The following FOXP1 variants were observed in gnomAD, a reference collection of about 807,000 sequenced individuals.
FOXP1 encodes forkhead box protein P1.
Under a neutral mutation model 98.2 loss-of-function variants are expected in FOXP1, and 15 were observed. That is an observed-to-expected ratio of 0.15 (90% confidence interval 0.10 to 0.24). The LOEUF is 0.24. Among genes scored for constraint, FOXP1 ranks in the 10% least tolerant of loss-of-function variants. The pLI is 1.00. For missense variants in FOXP1, 633 were observed against 848.5 expected, an observed-to-expected ratio of 0.75 and a Z score of 3.15; for synonymous variants, 371 against 314.5, an observed-to-expected ratio of 1.18 and a Z score of -1.90.
At chr3:71,381,436 C>CG (rs2080167184) in intron 3 of FOXP1, among the ~76,000 whole-genome samples, 7 of 124,162 alleles carry the variant, frequency 5.6e-5, no homozygotes, top group African/African-American at 1.9e-4. Flanking sequence ...CTGCGCCTGG[C>CG]CTTTTTTTTT....
At chr3:71,187,505 C>T (rs1026779808) in intron 6 of FOXP1, among the ~76,000 whole-genome samples, 2 of 152,130 alleles carry the variant, frequency 1.3e-5, no homozygotes, top group Non-Finnish European at 2.9e-5. Flanking sequence ...ATCACTTGAA[C>T]CTGGGAGGCA....
chr3:71,372,148 G>T (rs2079375298), intron 3 of FOXP1, among the ~76,000 whole-genome samples: 1 of 151,026 alleles, frequency 6.6e-6, no homozygotes, highest in African/African-American at 2.4e-5. Context: ...AATTAGCTGG[G>T]ATTACAAGCA....
At chr3:71,575,550 A>G (rs2047662615) in intron 2 of FOXP1, among the ~76,000 whole-genome samples, 2 of 152,216 alleles carry the variant, frequency 1.3e-5, no homozygotes, top group South Asian at 4.1e-4. Context: ...CCTTCACTTC[A>G]GACATGAGCA....
At chr3:71,400,362 GAT>G (rs2081869162) in intron 3 of FOXP1, among the ~76,000 whole-genome samples, 1 of 92,668 alleles carries the variant, frequency 1.1e-5, no homozygotes, top group African/African-American at 3.0e-5. Context: ...ATTTATGTAT[GAT>G]TTTTTTTTTT....
chr3:71,257,184 T>C (rs929526483), intron 5 of FOXP1, among the ~76,000 whole-genome samples: 3 of 152,126 alleles, frequency 2.0e-5, no homozygotes, highest in Non-Finnish European at 2.9e-5. Context: ...ATTATAAAAA[T>C]TTGGCTAACA....
At chr3:71,088,389 T>C (rs2055378170) in intron 7 of FOXP1, among the ~76,000 whole-genome samples, 1 of 140,176 alleles carries the variant, frequency 7.1e-6, no homozygotes, top group African/African-American at 2.6e-5. Flanking sequence ...TGATACATTG[T>C]TTTGTTTTTT....
At chr3:70,981,989 G>A (rs1257127280) in intron 14 of FOXP1, among the ~76,000 whole-genome samples, 1 of 152,136 alleles carries the variant, frequency 6.6e-6, no homozygotes, top group Non-Finnish European at 1.5e-5. Context: ...TTGTCAACTG[G>A]TACAGAAGTT....
intron 4 of FOXP1, among the ~76,000 whole-genome samples, chr3:71,351,497 A>G (rs931758423): frequency 2.0e-5 from 3 of 152,204 alleles, no homozygotes; most frequent in Admixed American, 1.3e-4. Context: ...CAAGCCTAAT[A>G]TTTTACTAAT....
At chr3:71,112,687 G>T (rs17008224) in intron 6 of FOXP1, 50 bp from the exon 7 acceptor site, 34 of 1,373,616 alleles carry the variant, frequency 2.5e-5, no homozygotes, top group Non-Finnish European at 3.3e-5. Context: ...AGGTTCAGGG[G>T]ACTCTTCATA....
chr3:71,581,916 T>G, intron 1 of FOXP1: 2 of 975,808 alleles, frequency 2.0e-6, no homozygotes, highest in Non-Finnish European at 2.4e-6. Flanking sequence ...AGCCAAAGTC[T>G]CAGCACCTTC....
chr3:71,520,767 T>G (rs1221170669), intron 2 of FOXP1, among the ~76,000 whole-genome samples: 1 of 152,222 alleles, frequency 6.6e-6, no homozygotes, highest in Non-Finnish European at 1.5e-5. Flanking sequence ...CATTGACAAG[T>G]CAATTGAAAT....
chr3:71,404,946 G>C (rs980259120), intron 3 of FOXP1, among the ~76,000 whole-genome samples: 2 of 152,144 alleles, frequency 1.3e-5, no homozygotes, highest in African/African-American at 2.4e-5. Flanking sequence ...AGGCAACAGG[G>C]CAATATGGTT....
intron 5 of FOXP1, chr3:71,296,639 C>A (rs1457995213): frequency 6.6e-6 from 1 of 151,986 alleles, no homozygotes; most frequent in East Asian, 1.9e-4. Context: ...ATGAAATGTT[C>A]ACTTGGAATA....
chr3:71,171,784 G>T (rs80075999), intron 6 of FOXP1, among the ~76,000 whole-genome samples: 1 of 152,176 alleles, frequency 6.6e-6, no homozygotes, highest in Non-Finnish European at 1.5e-5. Context: ...ACAGGGCTGG[G>T]GTCTGGGCCA....
intron 4 of FOXP1, among the ~76,000 whole-genome samples, chr3:71,303,060 T>C (rs1395803802): frequency 6.6e-6 from 1 of 152,118 alleles, no homozygotes; most frequent in East Asian, 1.9e-4. Flanking sequence ...TGGAACTGAG[T>C]TGCAGGTAAA....
chr3:71,046,859 C>T, intron 10 of FOXP1, 83 bp downstream of exon 10: 2 of 1,472,396 alleles, frequency 1.4e-6, no homozygotes, highest in Non-Finnish European at 1.9e-6. Context: ...GGACAATGTC[C>T]TTAACAAATA....
At chr3:71,160,479 A>G (rs76457295) in intron 6 of FOXP1, among the ~76,000 whole-genome samples, 2,155 of 152,350 alleles carry the variant, frequency 0.014, 27 homozygotes, top group Non-Finnish European at 0.023. Context: ...TGTGAAAATC[A>G]AGTGATAAAC....
chr3:71,481,651 A>T (rs1256936877), intron 3 of FOXP1, among the ~76,000 whole-genome samples: 1 of 152,198 alleles, frequency 6.6e-6, no homozygotes, highest in Non-Finnish European at 1.5e-5. Flanking sequence ...TTTGGTTCAT[A>T]AATTCTGACT....
chr3:71,204,159 TGCATCATTAAGATTTAAA>T (rs1404457033), intron 5 of FOXP1, among the ~76,000 whole-genome samples: 1 of 152,186 alleles, frequency 6.6e-6, no homozygotes, highest in African/African-American at 2.4e-5. Flanking sequence ...TTACTCATGT[TGCATCATTAAGATTTAAA>T]ACCTTCAATA....
Sources: allele counts gnomAD v4.1 joint callset (sites outside exome capture counted in the v4.1 genomes callset), GRCh38; gene constraint gnomAD v4.1.1; transcripts MANE v1.5; gene names NCBI Gene and HGNC (gene_info 2026-07-23, HGNC 2026-07-21).